The following HOOK1 variants were observed in gnomAD, a reference collection of about 807,000 sequenced individuals.
HOOK1 encodes the protein protein Hook homolog 1.
HOOK1 carries 60 observed loss-of-function variants against 112.8 expected under a neutral mutation model. The observed-to-expected ratio is 0.53, with a 90% confidence interval of 0.43 to 0.66. HOOK1 has a LOEUF of 0.66. Among genes scored for constraint, HOOK1 ranks in the 30% least tolerant of loss-of-function variants. The pLI is 0.00. For synonymous variants in HOOK1, 294 were observed against 283.8 expected, an observed-to-expected ratio of 1.04 and a Z score of -0.36; for missense variants, 770 against 856.0, an observed-to-expected ratio of 0.90 and a Z score of 1.25.
At chr1:59,848,574 C>G in intron 11 of HOOK1, 58 bp downstream of exon 11, 1 of 1,179,430 alleles carries the variant, frequency 8.5e-7, no homozygotes. Context: ...TTTGTTATTC[C>G]TTTTGATGTC....
chr1:59,868,683 C>G (rs932726729), intron 20 of HOOK1, among the ~76,000 whole-genome samples: 8 of 152,152 alleles, frequency 5.3e-5, no homozygotes, highest in African/African-American at 2.4e-5. Flanking sequence ...GGATATAAAC[C>G]TGACCTTTAC....
At chr1:59,835,945 T>C (rs1470134341) in intron 6 of HOOK1, among the ~76,000 whole-genome samples, 16 of 152,034 alleles carry the variant, frequency 1.1e-4, no homozygotes. Context: ...TGCCAGTCCA[T>C]GGCCTGGGGG....
At chr1:59,854,001 AATATATATATATATATATATATATAT>A (rs71046347) in intron 12 of HOOK1, among the ~76,000 whole-genome samples, 4 of 25,698 alleles carry the variant, frequency 1.6e-4, no homozygotes, top group Non-Finnish European at 2.7e-4. Context: ...ATTAATCTTA[AATATATATATATATATATATATATAT>A]ATATATATAT....
chr1:59,870,795 G>A (rs149612508), intron 20 of HOOK1: 334 of 368,418 alleles, frequency 9.1e-4, no homozygotes, highest in African/African-American at 6.5e-3. Context: ...GTATATGTAT[G>A]TTTAAATCAT....
At chr1:59,833,013 T>C (rs1359837725) in intron 4 of HOOK1, among the ~76,000 whole-genome samples, 1 of 152,138 alleles carries the variant, frequency 6.6e-6, no homozygotes, top group East Asian at 1.9e-4. Context: ...GTACAGTGAT[T>C]TACATTGTGT....
intron 2 of HOOK1, among the ~76,000 whole-genome samples, chr1:59,822,718 C>T (rs973139523): frequency 3.3e-5 from 5 of 152,106 alleles, no homozygotes; most frequent in Admixed American, 3.3e-4. Flanking sequence ...AATCCTATCT[C>T]GTCTTCACTG....
rs941483227 is a variant in HOOK1 at position 59,836,483 on chromosome 1, A to C, written c.475-390A>C. ...TTTTTTTCATATAATCGTAACTCCT[A>C]CTTTTAAAATGACTTCTCAAAAAGG... On this transcript the variant is annotated intron_variant, in intron 6 of 21. Transcript: ENST00000371208. Among the ~76,000 whole-genome samples the C allele has an allele frequency of 5.9e-5, 9 of 152,278 alleles. No homozygotes were observed. The South Asian group carries it at 1.0e-3, about 18-fold the overall frequency.
chr1:59,849,788 A>G (rs1214363521), intron 12 of HOOK1, among the ~76,000 whole-genome samples: 1 of 151,652 alleles, frequency 6.6e-6, no homozygotes, highest in African/African-American at 2.4e-5. Flanking sequence ...TGTAGCATAT[A>G]TCAGTGCTGT....
At chr1:59,861,527 CT>C (rs1213235925) in intron 15 of HOOK1, among the ~76,000 whole-genome samples, 1 of 152,112 alleles carries the variant, frequency 6.6e-6, no homozygotes, top group African/African-American at 2.4e-5. Context: ...TTTCTAAGTA[CT>C]TTTTTGCTAT....
rs1262498208 is a variant in HOOK1 at position 59,874,989 on chromosome 1, T to A, written c.*2024T>A. ...GTTTCATTTTCATATATTCTTGTAG[T>A]GTCTGCTTGCCTGTGACTTCTGGTA... On this transcript the variant is annotated 3_prime_UTR_variant, in exon 22 of 22. Coordinates refer to ENST00000371208, the MANE Select transcript of HOOK1 (RefSeq NM_015888.6). 6.6e-6 allele frequency: 1 copy of A among 152,648 alleles called. No individual in the cohort carries two copies. Among genetic ancestry groups the A allele is most frequent in the African/African-American group, 2.4e-5 (1 of 41,458 alleles). 9.5% of individuals were successfully genotyped at this position (152,648 alleles called of 1,614,324 possible). A position where few individuals can be genotyped will look rare whatever the true frequency, so the allele number is the denominator to read the frequency against.
chr1:59,848,258 A>C, intron 10 of HOOK1, 57 bp from the exon 11 acceptor site: 2 of 1,204,524 alleles, frequency 1.7e-6, no homozygotes, highest in South Asian at 3.1e-5. Context: ...TAGCCAGAGT[A>C]AAATTATGAG....
intron 1 of HOOK1, among the ~76,000 whole-genome samples, chr1:59,816,835 G>T (rs896909007): frequency 2.6e-5 from 4 of 152,220 alleles, no homozygotes; most frequent in African/African-American, 9.6e-5. Context: ...GCACTGTGGA[G>T]AAAATTGAAT....
chr1:59,863,703 G>C (rs903786937), intron 16 of HOOK1: 7 of 186,158 alleles, frequency 3.8e-5, no homozygotes, highest in African/African-American at 1.7e-4. Context: ...TGTGTTGATG[G>C]GGGAGGAAAC....
intron 3 of HOOK1, 93 bp downstream of exon 3, chr1:59,828,945 A>G: frequency 2.1e-6 from 2 of 968,024 alleles, no homozygotes; most frequent in Non-Finnish European, 3.2e-6. Flanking sequence ...ATTAACTTAT[A>G]GTACTTTTTG....
intron 5 of HOOK1, among the ~76,000 whole-genome samples, chr1:59,833,795 A>G (rs1480741207): frequency 6.6e-6 from 1 of 152,200 alleles, no homozygotes; most frequent in Non-Finnish European, 1.5e-5. Flanking sequence ...TATACCCAGT[A>G]CATAAGACTT....
intron 9 of HOOK1, among the ~76,000 whole-genome samples, chr1:59,846,584 T>C (rs1574201434): frequency 1.1e-5 from 1 of 89,616 alleles, no homozygotes; most frequent in Non-Finnish European, 2.2e-5. Flanking sequence ...CCTTCCTTCC[T>C]TCCTCCCTCC....
At chr1:59,869,937 A>G (rs1387630482) in intron 20 of HOOK1, among the ~76,000 whole-genome samples, 1 of 152,192 alleles carries the variant, frequency 6.6e-6, no homozygotes, top group Non-Finnish European at 1.5e-5. Context: ...TTTTTGGTAC[A>G]TGTGGACGTG....
In HOOK1 at chr1:59,858,477, G is replaced by A. The variant is rs756479263; in HGVS notation, c.1292G>A (p.Arg431Gln). The A allele has an allele frequency of 8.1e-6, 13 of 1,613,328 alleles. No individual in the cohort carries two copies. The highest frequency in any genetic ancestry group is 6.7e-5 in the East Asian group (3 of 44,882). Reference sequence around the variant, plus strand: ...TTGAAAGAAACAAATGAAGAGCTTCGATGTTCACAAGTACAACAGGACCAC... The same window carrying A: ...TTGAAAGAAACAAATGAAGAGCTTCAATGTTCACAAGTACAACAGGACCAC... ...DTLKETNEEL[R>Q]CSQVQQDHLN... is the part of the protein sequence containing the mutation. The change falls in exon 13 of 22, where the codon CGA (arginine) becomes CAA (glutamine). Residue 431 changes from arginine (R) to glutamine (Q), a missense_variant. By Grantham distance (43) the Arg-to-Gln change is conservative. Around this residue, in one of 3 missense-constraint regions of HOOK1, gnomAD observed 655 missense variants for 725.9 expected, o/e 0.90. Transcript: ENST00000371208.
chr1:59,823,421 T>C (rs2098387359), intron 2 of HOOK1, among the ~76,000 whole-genome samples: 1 of 152,282 alleles, frequency 6.6e-6, no homozygotes, highest in Non-Finnish European at 1.5e-5. Flanking sequence ...CATAGTTCTT[T>C]TCTCATGATT....
Sources: allele counts gnomAD v4.1 joint callset (sites outside exome capture counted in the v4.1 genomes callset), GRCh38; gene constraint gnomAD v4.1.1; regional missense constraint gnomAD v4.1.1; transcripts MANE v1.5; gene names NCBI Gene and HGNC (gene_info 2026-07-23, HGNC 2026-07-21).